Variants in DNAAF5 observed in about 807,000 individuals in gnomAD.
DNAAF5 encodes HEAT repeat containing 2.
DNAAF5 carries 64 observed loss-of-function variants against 75.8 expected under a neutral mutation model. The observed-to-expected ratio is 0.84, with a 90% CI of 0.69 to 1.04. DNAAF5 has a LOEUF of 1.04. Among genes scored for constraint, DNAAF5 ranks in the 50% least tolerant of loss-of-function variants. DNAAF5 has a pLI of 0.00. For synonymous variants in DNAAF5, 657 were observed against 557.2 expected (o/e 1.18, Z -2.52); for missense variants, 1,269 against 1,178.5 (o/e 1.08, Z -1.12).
intron 2 of DNAAF5, among the ~76,000 whole-genome samples, chr7:739,326 G>A (rs1037089186): frequency 1.2e-4 from 18 of 152,214 alleles, no homozygotes; most frequent in African/African-American, 1.9e-4. Flanking sequence ...TGGCAGGTGC[G>A]GCCGTGGCAG....
In DNAAF5 at chr7:785,892, TTAAAAG is replaced by T; in HGVS notation, c.*243_*248del. The stretch of plus-strand genomic sequence containing the variant: ...CCAAACATCTGCAGCTGATTTGAAA[TTAAAAG>T]TAAGTCGCAGCCGCTCCTCCCGCAG... On this transcript the variant is annotated 3_prime_UTR_variant, in exon 13 of 13. Coordinates refer to ENST00000297440, the MANE Select transcript of DNAAF5 (RefSeq NM_017802.4). 2.0e-6 allele frequency: 1 copy of T among 495,114 alleles called. No homozygotes were observed. The highest frequency in any genetic ancestry group is 3.2e-5 in the South Asian group (1 of 31,328). 30.7% of individuals were successfully genotyped at this position (495,114 alleles called of 1,614,324 possible). A position where few individuals can be genotyped will look rare whatever the true frequency, so the allele number is the denominator to read the frequency against.
At chr7:751,731 A>G (rs572175516) in intron 4 of DNAAF5, among the ~76,000 whole-genome samples, 1 of 151,720 alleles carries the variant, frequency 6.6e-6, no homozygotes, top group Non-Finnish European at 1.5e-5. Flanking sequence ...CGCCAGCACG[A>G]CCGGCTTATT....
At chr7:752,383 C>T (rs373083236) in intron 4 of DNAAF5, among the ~76,000 whole-genome samples, 9 of 147,624 alleles carry the variant, frequency 6.1e-5, no homozygotes, top group South Asian at 2.1e-4. Context: ...CACCGCGGGC[C>T]GGGCCACGCT....
chr7:781,892 C>T (rs1344329558), intron 12 of DNAAF5, among the ~76,000 whole-genome samples: 3 of 152,206 alleles, frequency 2.0e-5, no homozygotes, highest in Non-Finnish European at 2.9e-5. Flanking sequence ...GTGATTAATC[C>T]TTGTCAGGCG....
chr7:763,715 T>G, intron 7 of DNAAF5, 91 bp from the exon 8 acceptor site: 1 of 1,419,090 alleles, frequency 7.0e-7, no homozygotes, highest in Non-Finnish European at 9.7e-7. Flanking sequence ...GTGTGGTTCT[T>G]ACGCGTGAGG....
chr7:775,264 C>T (rs1373791702), intron 11 of DNAAF5, 102 bp downstream of exon 11: 1 of 1,052,206 alleles, frequency 9.5e-7, no homozygotes, highest in Non-Finnish European at 1.4e-6. Flanking sequence ...CAGATCAAAA[C>T]TATCTCGGGC....
chr7:770,468 C>T lies in DNAAF5; in HGVS notation c.1784-3C>T, dbSNP rs1486011650. On this transcript the variant is annotated splice_polypyrimidine_tract_variant and splice_region_variant and intron_variant, in intron 8 of 12. Coordinates refer to ENST00000297440, the MANE Select transcript of DNAAF5 (RefSeq NM_017802.4). Reference sequence around the variant, plus strand: ...GCACAGGAGCCTCTGTTGTGTCTTACAGGCCCTGCCCTGGGAGAAGCCCTG... The same window carrying T: ...GCACAGGAGCCTCTGTTGTGTCTTATAGGCCCTGCCCTGGGAGAAGCCCTG... 8.7e-6 allele frequency: 14 copies of T among 1,612,300 alleles called. No individual in the cohort carries two copies. Among genetic ancestry groups the T allele is most frequent in the Admixed American group, 1.7e-5 (1 of 59,918 alleles).
At chr7:784,969 C>G (rs971617995) in intron 12 of DNAAF5, among the ~76,000 whole-genome samples, 1 of 152,120 alleles carries the variant, frequency 6.6e-6, no homozygotes, top group Non-Finnish European at 1.5e-5. Context: ...CATGCAGCAT[C>G]AGGTCACTTG....
At chr7:767,677 AACTCGCACTGGGAGGGGAGAC>A (rs1454120912) in intron 8 of DNAAF5, among the ~76,000 whole-genome samples, 1 of 152,144 alleles carries the variant, frequency 6.6e-6, no homozygotes, top group Non-Finnish European at 1.5e-5. Context: ...TGCAAGCAGG[AACTCGCACTGGGAGGGGAGAC>A]ACGTGATCAG....
rs578094578 is a variant in DNAAF5 at position 739,907 on chromosome 7, C to T, written c.781-912C>T. Among the ~76,000 whole-genome samples, 172 of 152,308 alleles carry T rather than the reference C, an allele frequency of 1.1e-3. 1 individual carries two copies. Among genetic ancestry groups the T allele is most frequent in the African/African-American group, 3.8e-3 (158 of 41,578 alleles). On this transcript the variant is annotated intron_variant, in intron 2 of 12. Coordinates refer to ENST00000297440, the MANE Select transcript of DNAAF5 (RefSeq NM_017802.4). ...CTGCTGCTCGGGTCCCCTGCACCTACGACTGGCTGTGAGCGCTATTGCTAA... is the reference window on the plus strand; with the variant it reads ...CTGCTGCTCGGGTCCCCTGCACCTATGACTGGCTGTGAGCGCTATTGCTAA...
intron 9 of DNAAF5, among the ~76,000 whole-genome samples, chr7:773,585 G>A (rs995047883): frequency 6.6e-6 from 1 of 152,188 alleles, no homozygotes; most frequent in Admixed American, 6.5e-5. Context: ...AAGCCGCAGC[G>A]ACTGTCCTTG....
At chr7:779,341 G>A (rs897688492) in intron 11 of DNAAF5, among the ~76,000 whole-genome samples, 3 of 152,258 alleles carry the variant, frequency 2.0e-5, no homozygotes, top group African/African-American at 7.2e-5. Flanking sequence ...GTGGTTTTGC[G>A]ACTCAGTCAT....
chr7:773,955 G>A lies in DNAAF5; in HGVS notation c.1932-93G>A, dbSNP rs565102629. The A allele has an allele frequency of 5.5e-6, 8 of 1,444,770 alleles. No individual in the cohort carries two copies. The African/African-American group carries it at 9.8e-5, about 18-fold the overall frequency. The allele number at this position is 1,444,770 out of a possible 1,614,324, so 89.5% of individuals were successfully genotyped here. ...GGGGTCGAGTTCGTTTTCCTGTTTG[G>A]CTCCCCCCTCAGCCCCATTCATCCC... On this transcript the variant is annotated intron_variant, in intron 9 of 12. Transcript: ENST00000297440.
At position 726,720 on chromosome 7, in the gene DNAAF5, G is replaced by A. The variant is rs985031277; in HGVS notation, c.-1G>A. On this transcript the variant is annotated 5_prime_UTR_variant, in exon 1 of 13. Transcript: ENST00000297440. ...CCTTAGTGACCGGCGACGCGGGCAA[G>A]ATGGCGGCGCTGGGGGTGGCGGAGG... 1.6e-5 allele frequency: 20 copies of A among 1,239,614 alleles called. No individual in the cohort carries two copies. The highest frequency in any genetic ancestry group is 7.5e-5 in the South Asian group (2 of 26,618). The allele number at this position is 1,239,614 out of a possible 1,614,324, so 76.8% of individuals were successfully genotyped here. A position where few individuals can be genotyped will look rare whatever the true frequency, so the allele number is the denominator to read the frequency against.
Position 728,918 on chromosome 7 carries a change from C to T in DNAAF5, c.596-745C>T, listed in dbSNP as rs151296302. On this transcript the variant is annotated intron_variant, in intron 1 of 12. Transcript: ENST00000297440. ...TCACCCAAAGTCTCACTGGAATAGC[C>T]GTTTCCCAGACGGGCCCCAAGTAGT... Among the ~76,000 whole-genome samples, 234 of 151,996 alleles carry T rather than the reference C, an allele frequency of 1.5e-3. 1 individual carries two copies. Among genetic ancestry groups the T allele is most frequent in the African/African-American group, 5.4e-3 (223 of 41,434 alleles).
At chr7:760,141 T>C (rs1459271319) in intron 6 of DNAAF5, among the ~76,000 whole-genome samples, 2 of 151,600 alleles carry the variant, frequency 1.3e-5, no homozygotes, top group African/African-American at 4.9e-5. Context: ...GATGGAGCCA[T>C]GCAGCTCTGT....
intron 4 of DNAAF5, among the ~76,000 whole-genome samples, chr7:745,036 C>G (rs1250351020): frequency 6.6e-6 from 1 of 152,234 alleles, no homozygotes; most frequent in East Asian, 1.9e-4. Flanking sequence ...GTCAGTGCCT[C>G]TCCCTCCAGC....
rs761751859 is a variant in DNAAF5 at position 780,036 on chromosome 7, A to T, written c.2323A>T (p.Lys775Ter). The change falls in exon 12 of 13, where the codon AAG becomes TAG. Residue 775 changes from lysine to a stop codon, truncating the protein, a stop_gained. Coordinates refer to ENST00000297440, the MANE Select transcript of DNAAF5 (RefSeq NM_017802.4). LOFTEE classifies it high-confidence loss of function. ...STLVTWLQCV[K>*]GANAKSYYQS... ...CTTGGTCACCTGGCTGCAGTGTGTC[A>T]AGGGTGCCAACGCAAAATCCTACTA... 1.2e-6 allele frequency: 2 copies of T among 1,614,202 alleles called. No homozygotes were observed. Among genetic ancestry groups the T allele is most frequent in the Non-Finnish European group, 1.7e-6 (2 of 1,180,018 alleles).
At chr7:739,597 C>T (rs532431383) in intron 2 of DNAAF5, among the ~76,000 whole-genome samples, 6 of 152,318 alleles carry the variant, frequency 3.9e-5, no homozygotes, top group South Asian at 2.1e-4. Context: ...GCTCGCACGC[C>T]GAGAGTCGCC....
Sources: allele counts gnomAD v4.1 joint callset (sites outside exome capture counted in the v4.1 genomes callset), GRCh38; gene constraint gnomAD v4.1.1; transcripts MANE v1.5; gene names NCBI Gene and HGNC (gene_info 2026-07-23, HGNC 2026-07-21).